Variants in RFFL observed in about 807,000 individuals in gnomAD.
RFFL encodes ring finger and FYVE like domain containing E3 ubiquitin protein ligase, also known as E3 ubiquitin-protein ligase rififylin.
A neutral mutation model predicts 40.4 loss-of-function variants in RFFL; 16 were observed. The observed-to-expected ratio is 0.40, with a 90% CI of 0.27 to 0.60. The LOEUF (loss-of-function observed/expected upper bound fraction) is 0.60. Ranked by LOEUF, RFFL falls within the 20% of genes least tolerant of loss-of-function variation. The pLI is 0.47. For missense variants in RFFL, 367 were observed against 451.7 expected (o/e 0.81, Z 1.70); for synonymous variants, 154 against 167.9 (o/e 0.92, Z 0.64).
chr17:35,054,000 C>A (rs1232945875), intron 1 of RFFL, among the ~76,000 whole-genome samples: 1 of 152,090 alleles, frequency 6.6e-6, no homozygotes, highest in Non-Finnish European at 1.5e-5. Context: ...ATTTTGTGAC[C>A]CAAGACTAGA....
At chr17:35,050,061 G>A (rs565281532) in intron 1 of RFFL, among the ~76,000 whole-genome samples, 1 of 147,198 alleles carries the variant, frequency 6.8e-6, no homozygotes, top group South Asian at 2.1e-4. Context: ...CAGCCTAGGT[G>A]ACAGAGTAAG....
In RFFL at chr17:35,008,226, T is replaced by C. The variant is rs190974356; in HGVS notation, c.*3742A>G. On this transcript the variant is annotated 3_prime_UTR_variant, in exon 7 of 7. Coordinates refer to ENST00000394597, the MANE Select transcript of RFFL (RefSeq NM_001017368.2). ...GAACTCACTTGGTGCTTCAACCCAATTGGTCTTGGGATTCATCCTTTACCT... is the reference window on the plus strand; with the variant it reads ...GAACTCACTTGGTGCTTCAACCCAACTGGTCTTGGGATTCATCCTTTACCT... 9 of 152,388 alleles carry C rather than the reference T, an allele frequency of 5.9e-5. No individual in the cohort carries two copies. The highest frequency in any genetic ancestry group is 1.7e-4 in the African/African-American group (7 of 41,582). The allele number at this position is 152,388 out of a possible 1,614,324, so 9.4% of individuals were successfully genotyped here. A position where few individuals can be genotyped will look rare whatever the true frequency, so the allele number is the denominator to read the frequency against.
In RFFL at chr17:35,017,277, A is replaced by G. The variant is rs2090979955; in HGVS notation, c.675+246T>C. ...CTCCGGCAGCTCTTAGAAAGTCAAG[A>G]GACTGGAAATACAATGGGCCATGAG... On this transcript the variant is annotated intron_variant, in intron 4 of 6. Coordinates refer to ENST00000394597, the MANE Select transcript of RFFL (RefSeq NM_001017368.2). Among the ~76,000 whole-genome samples the G allele has an allele frequency of 1.3e-5, 2 of 152,050 alleles. 1 individual carries two copies. The highest frequency in any genetic ancestry group is 1.3e-4 in the Admixed American group (2 of 15,278).
rs1257292085 is a variant in RFFL at position 35,016,490 on chromosome 17, G to T, written c.766C>A (p.Arg256=). Reference sequence around the variant, plus strand: ...CGAGCCAAGATCTCTTTCAGCTGCCGCACTGTCAGGCCTTCAATGTCCTCC... The same window carrying T: ...CGAGCCAAGATCTCTTTCAGCTGCCTCACTGTCAGGCCTTCAATGTCCTCC... ...DLEDIEGLTV[R]QLKEILARNF... The change falls in exon 5 of 7, where the codon CGG becomes AGG. Residue 256 remains arginine, a synonymous_variant. Transcript: ENST00000394597. 1 of 1,614,136 alleles carries T rather than the reference G, an allele frequency of 6.2e-7. No individual in the cohort carries two copies. Among genetic ancestry groups the T allele is most frequent in the Non-Finnish European group, 8.5e-7 (1 of 1,180,014 alleles).
intron 1 of RFFL, among the ~76,000 whole-genome samples, chr17:35,060,403 A>G (rs1005030483): frequency 6.6e-6 from 1 of 152,196 alleles, no homozygotes; most frequent in African/African-American, 2.4e-5. Flanking sequence ...TTTAACTACT[A>G]TATTAAGAGA....
chr17:35,079,079 C>T (rs1329600078), intron 1 of RFFL, among the ~76,000 whole-genome samples: 2 of 152,046 alleles, frequency 1.3e-5, no homozygotes, highest in East Asian at 1.9e-4. Context: ...TTTCCTGACA[C>T]GATATTCAGA....
intron 1 of RFFL, among the ~76,000 whole-genome samples, chr17:35,052,713 G>A (rs1016422857): frequency 6.6e-6 from 1 of 152,172 alleles, no homozygotes; most frequent in African/African-American, 2.4e-5. Flanking sequence ...TATGTGCAGG[G>A]AACTGAACTA....
At chr17:35,083,418 C>T (rs1041237001) in intron 1 of RFFL, among the ~76,000 whole-genome samples, 2 of 152,198 alleles carry the variant, frequency 1.3e-5, no homozygotes, top group South Asian at 2.1e-4. Context: ...GATAGCATAA[C>T]GATTCTATTA....
rs5820098 is a variant in RFFL at position 35,044,876 on chromosome 17, AT to A, written c.-8-18316del. On this transcript the variant is annotated intron_variant, in intron 1 of 6. Coordinates refer to ENST00000394597, the MANE Select transcript of RFFL (RefSeq NM_001017368.2). ...CTGATCCTGTCTGTGCTCTCATAAC[AT>A]TTTTTTTTTTTTGAGACAGGGTCTC... is the stretch of plus-strand genomic sequence containing the variant. Among the ~76,000 whole-genome samples the A allele has an allele frequency of 3.1e-4, 45 of 146,628 alleles. No homozygotes were observed. The South Asian group carries it at 3.2e-3, about 11-fold the overall frequency.
At chr17:35,063,289 C>G (rs9914363) in intron 1 of RFFL, among the ~76,000 whole-genome samples, 1 of 151,724 alleles carries the variant, frequency 6.6e-6, no homozygotes, top group Non-Finnish European at 1.5e-5. Flanking sequence ...AACCCTGTCT[C>G]TACTAAAAAT....
At chr17:35,041,873 G>A (rs931508700) in intron 1 of RFFL, among the ~76,000 whole-genome samples, 6 of 152,026 alleles carry the variant, frequency 3.9e-5, no homozygotes, top group African/African-American at 1.2e-4. Context: ...AAAAATTAGT[G>A]GTGTGGTGGC....
intron 1 of RFFL, among the ~76,000 whole-genome samples, chr17:35,037,300 T>A (rs1233741666): frequency 6.6e-6 from 1 of 152,232 alleles, no homozygotes; most frequent in East Asian, 1.9e-4. Context: ...TAAAAGCATC[T>A]ATGTTGTTAG....
At chr17:35,082,461 C>A (rs2091407389) in intron 1 of RFFL, among the ~76,000 whole-genome samples, 1 of 152,228 alleles carries the variant, frequency 6.6e-6, no homozygotes. Flanking sequence ...GATAGTAACT[C>A]TGGGTACATG....
rs886959019 is a variant in RFFL at position 35,006,733 on chromosome 17, G to C, written c.*5235C>G. The stretch of plus-strand genomic sequence containing the variant: ...GTCCCAATCCTTCCAGCTCTTGAGG[G>C]TCAGTTCTCACCTTATGAACAAATT... On this transcript the variant is annotated 3_prime_UTR_variant, in exon 7 of 7. Coordinates refer to ENST00000394597, the MANE Select transcript of RFFL (RefSeq NM_001017368.2). The C allele has an allele frequency of 6.6e-6, 1 of 152,222 alleles. No individual in the cohort carries two copies. The highest frequency in any genetic ancestry group is 1.5e-5 in the Non-Finnish European group (1 of 68,154). 9.4% of individuals were successfully genotyped at this position (152,222 alleles called of 1,614,324 possible).
upstream of RFFL, among the ~76,000 whole-genome samples, chr17:35,068,045 T>A (rs1484165124): frequency 6.6e-6 from 1 of 152,206 alleles, no homozygotes; most frequent in Non-Finnish European, 1.5e-5. Flanking sequence ...CACAGTCTTG[T>A]TATACTGAGA....
chr17:35,027,077 T>C (rs1166843970), intron 1 of RFFL, among the ~76,000 whole-genome samples: 2 of 152,180 alleles, frequency 1.3e-5, no homozygotes, highest in Admixed American at 6.5e-5. Context: ...AGCCAATATA[T>C]AGAGAGCTAA....
intron 1 of RFFL, among the ~76,000 whole-genome samples, chr17:35,052,532 G>A (rs1379854805): frequency 6.6e-6 from 1 of 152,124 alleles, no homozygotes; most frequent in Non-Finnish European, 1.5e-5. Flanking sequence ...AGTTCAGTGA[G>A]TCAGTGCAAG....
intron 5 of RFFL, among the ~76,000 whole-genome samples, chr17:35,016,115 C>T (rs2090971213): frequency 6.6e-6 from 1 of 152,114 alleles, no homozygotes; most frequent in South Asian, 2.1e-4. Flanking sequence ...TTAAATTTTA[C>T]CTTTCAGATA....
At chr17:35,030,454 A>T (rs1309054092) in intron 1 of RFFL, among the ~76,000 whole-genome samples, 2 of 151,744 alleles carry the variant, frequency 1.3e-5, no homozygotes, top group East Asian at 3.9e-4. Flanking sequence ...GATGGTGAGC[A>T]TTTTTTTGTG....
Sources: gnomAD v4.1 joint callset for allele counts (sites outside exome capture counted in the v4.1 genomes callset) on GRCh38, gnomAD v4.1.1 for gene constraint, MANE v1.5 for transcripts, NCBI Gene and HGNC (gene_info 2026-07-23, HGNC 2026-07-21) for gene names.